The following MOXD1 variants were observed in gnomAD, a reference collection of about 807,000 sequenced individuals.
MOXD1 encodes DBH-like monooxygenase protein 1.
A neutral mutation model predicts 66.6 loss-of-function variants in MOXD1; 62 were observed. The ratio of observed to expected loss-of-function variants is 0.93; its 90% CI spans 0.76 to 1.15. The LOEUF is 1.15. Among genes scored for constraint, MOXD1 ranks in the 50% most tolerant of loss-of-function variants. MOXD1 has a pLI of 0.00. For synonymous variants in MOXD1, 303 were observed against 281.9 expected (o/e 1.07, Z -0.75); for missense variants, 847 against 754.6 (o/e 1.12, Z -1.44).
At chr6:132,373,688 T>A (rs982940752) in intron 2 of MOXD1, among the ~76,000 whole-genome samples, 6 of 152,152 alleles carry the variant, frequency 3.9e-5, no homozygotes, top group Admixed American at 6.6e-5. Context: ...GGGCTATGGG[T>A]TGGGGAGGGT....
At position 132,401,365 on chromosome 6, in the gene MOXD1, G is replaced by A. The variant is rs559017598; in HGVS notation, c.62C>T (p.Ser21Leu). The A allele has an allele frequency of 2.6e-6, 4 of 1,551,032 alleles. No individual in the cohort carries two copies. Among genetic ancestry groups the A allele is most frequent in the Admixed American group, 1.9e-5 (1 of 52,958 alleles). ...GLLPGTAAGG[S>L]GRTYPHRTLL... ...GGTCCGGTGCGGATAGGTTCGGCCCGAGCCCCCCGCCGCCGTCCCGGGGAG... is the reference window on the plus strand; with the variant it reads ...GGTCCGGTGCGGATAGGTTCGGCCCAAGCCCCCCGCCGCCGTCCCGGGGAG... Residue 21 changes from serine to leucine, a missense_variant, in exon 1 of 12, where the codon TCG (serine) becomes TTG (leucine). Transcript: ENST00000367963.
At position 132,401,148 on chromosome 6, in the gene MOXD1, A is replaced by G. The variant is rs1428545229; in HGVS notation, c.264+15T>C. On this transcript the variant is annotated intron_variant, in intron 1 of 11. Coordinates refer to ENST00000367963, the MANE Select transcript of MOXD1 (RefSeq NM_015529.4). Reference sequence around the variant, plus strand: ...CGGGCTCGGCCGGGCGGGCTCCGGGAGGAGACGCGCTTACCTGGAGGTAGG... The same window carrying G: ...CGGGCTCGGCCGGGCGGGCTCCGGGGGGAGACGCGCTTACCTGGAGGTAGG... 2 of 1,490,268 alleles carry G rather than the reference A, an allele frequency of 1.3e-6. No individual in the cohort carries two copies. Among genetic ancestry groups the G allele is most frequent in the Non-Finnish European group, 1.8e-6 (2 of 1,124,486 alleles). 92.3% of individuals were successfully genotyped at this position (1,490,268 alleles called of 1,614,324 possible).
chr6:132,379,487 C>T (rs1192272389), intron 1 of MOXD1, among the ~76,000 whole-genome samples: 1 of 152,156 alleles, frequency 6.6e-6, no homozygotes, highest in Non-Finnish European at 1.5e-5. Flanking sequence ...GTGGAAAGCC[C>T]TACAGGTGAT....
intron 1 of MOXD1, 98 bp downstream of exon 1, chr6:132,401,065 G>C (rs1315311849): frequency 7.5e-7 from 1 of 1,336,802 alleles, no homozygotes; most frequent in Non-Finnish European, 9.7e-7. Flanking sequence ...AGGTGAGAGA[G>C]AGCTGCGGGC....
Position 132,303,825 on chromosome 6 carries a change from GTGTGTGTGTGTATATA to G in MOXD1, c.1509-5886_1509-5871del, listed in dbSNP as rs1562276319. On this transcript the variant is annotated intron_variant, in intron 10 of 11. Transcript: ENST00000367963. ...CACACACATGTGTGTGTGTGTGTGT[GTGTGTGTGTGTATATA>G]TATATATATATATATATATATATAT... Among the ~76,000 whole-genome samples the G allele has an allele frequency of 3.0e-4, 29 of 96,832 alleles. No individual in the cohort carries two copies. In the East Asian group the frequency reaches 9.2e-3, roughly 31 times the overall value. The allele number at this position is 96,832 out of a possible 152,430, so 63.5% of individuals were successfully genotyped here.
chr6:132,386,562 TAGAC>T (rs2114686834), intron 1 of MOXD1, among the ~76,000 whole-genome samples: 1 of 151,312 alleles, frequency 6.6e-6, no homozygotes, highest in African/African-American at 2.4e-5. Flanking sequence ...AAAAGCAATA[TAGAC>T]AGTTTTATAG....
intron 2 of MOXD1, among the ~76,000 whole-genome samples, chr6:132,373,975 A>G (rs1334688940): frequency 1.3e-5 from 2 of 152,084 alleles, no homozygotes; most frequent in Non-Finnish European, 2.9e-5. Context: ...ACTGCTTCAT[A>G]TTTTTTACAT....
chr6:132,303,874 T>TATATAC (rs1307660727), intron 10 of MOXD1, among the ~76,000 whole-genome samples: 19 of 46,408 alleles, frequency 4.1e-4, no homozygotes, highest in Non-Finnish European at 5.1e-4. Flanking sequence ...TATATATATA[T>TATATAC]ATATACATAT....
At chr6:132,365,401 C>T (rs1162503028) in intron 4 of MOXD1, among the ~76,000 whole-genome samples, 1 of 152,126 alleles carries the variant, frequency 6.6e-6, no homozygotes, top group African/African-American at 2.4e-5. Flanking sequence ...GACTGAAAAG[C>T]ATGCATGTCA....
chr6:132,314,407 G>A (rs683331), intron 10 of MOXD1, among the ~76,000 whole-genome samples: 78,343 of 152,134 alleles, frequency 0.51, 23,864 homozygotes, highest in African/African-American at 0.85. Context: ...TCCTTTCCCA[G>A]TATAGTAGCC....
At chr6:132,349,010 G>T (rs561377793) in intron 4 of MOXD1, among the ~76,000 whole-genome samples, 2 of 151,626 alleles carry the variant, frequency 1.3e-5, no homozygotes, top group African/African-American at 4.8e-5. Flanking sequence ...GGTTACGGGG[G>T]CACAGGTAGT....
At chr6:132,376,534 G>A (rs185973243) in intron 1 of MOXD1, among the ~76,000 whole-genome samples, 4,086 of 35,942 alleles carry the variant, frequency 0.11, 430 homozygotes, top group African/African-American at 0.21. Context: ...TTTTTTTTGA[G>A]ACGGAGTCTC....
rs1326890279 is a variant in MOXD1 at position 132,328,607 on chromosome 6, A to T, written c.664-13T>A. 9 of 1,611,446 alleles carry T rather than the reference A, an allele frequency of 5.6e-6. No homozygotes were observed. The highest frequency in any genetic ancestry group is 7.6e-6 in the Non-Finnish European group (9 of 1,178,156). The stretch of plus-strand genomic sequence containing the variant: ...TCACTGGCTCAACCTACACGAACAT[A>T]AATGAGAGGGAGGACACAATAAATA... On this transcript the variant is annotated splice_polypyrimidine_tract_variant and intron_variant, in intron 4 of 11. Coordinates refer to ENST00000367963, the MANE Select transcript of MOXD1 (RefSeq NM_015529.4).
chr6:132,369,424 AATT>A (rs1310948920), intron 4 of MOXD1, among the ~76,000 whole-genome samples: 1 of 152,038 alleles, frequency 6.6e-6, no homozygotes, highest in African/African-American at 2.4e-5. Flanking sequence ...CCTTCTTCAC[AATT>A]TCACAGAGAG....
At chr6:132,362,389 A>G (rs1562293361) in intron 4 of MOXD1, among the ~76,000 whole-genome samples, 1 of 152,176 alleles carries the variant, frequency 6.6e-6, no homozygotes. Flanking sequence ...GTTGTTATTA[A>G]CATGAATTTG....
rs545530028 is a variant in MOXD1, at chr6:132,331,690, A to G, written c.664-3096T>C. On this transcript the variant is annotated intron_variant, in intron 4 of 11. Transcript: ENST00000367963. ...AAAGATGTTATAATCCTTATCTTAC[A>G]GATTTACTGAAACTCAGAGATTAGA... Among the ~76,000 whole-genome samples the G allele has an allele frequency of 3.9e-5, 6 of 152,302 alleles. No homozygotes were observed. The South Asian group carries it at 1.2e-3, about 32-fold the overall frequency.
intron 4 of MOXD1, among the ~76,000 whole-genome samples, chr6:132,352,916 T>C (rs566977487): frequency 2.6e-5 from 4 of 152,278 alleles, no homozygotes; most frequent in Non-Finnish European, 5.9e-5. Context: ...CTGCTGTTGC[T>C]TGTTGCTTTA....
intron 8 of MOXD1, 49 bp downstream of exon 8, chr6:132,322,630 T>A: frequency 1.3e-6 from 2 of 1,557,530 alleles, no homozygotes; most frequent in Non-Finnish European, 1.7e-6. Flanking sequence ...AGCAGATATG[T>A]CTCATGACTT....
chr6:132,359,025 A>C (rs1775960132), intron 4 of MOXD1, among the ~76,000 whole-genome samples: 1 of 152,198 alleles, frequency 6.6e-6, no homozygotes, highest in South Asian at 2.1e-4. Context: ...TGGCTCTAAC[A>C]AACTCCACTG....
Sources: gnomAD v4.1 joint callset for allele counts (sites outside exome capture counted in the v4.1 genomes callset) on GRCh38, gnomAD v4.1.1 for gene constraint, MANE v1.5 for transcripts, NCBI Gene and HGNC (gene_info 2026-07-23, HGNC 2026-07-21) for gene names.